Variants in GPR174 observed in about 807,000 individuals in gnomAD.
GPR174 encodes probable G protein-coupled receptor 174.
A neutral mutation model predicts 16.5 loss-of-function variants in GPR174; 8 were observed. The ratio of observed to expected loss-of-function variants is 0.48; its 90% CI spans 0.28 to 0.87. The LOEUF is 0.87. Ranked by LOEUF, GPR174 falls within the 40% of genes least tolerant of loss-of-function variation. GPR174 has a pLI of 0.09. For missense variants in GPR174, 214 were observed against 247.5 expected, an observed-to-expected ratio of 0.86 and a Z score of 0.91; for synonymous variants, 111 against 94.8, an observed-to-expected ratio of 1.17 and a Z score of -0.99.
Position 79,172,071 on chromosome X carries a change from C to T in GPR174, c.*62C>T, listed in dbSNP as rs999310625. ...GTACATCAGAACATATCTGCAATAC[C>T]CAAGCCACAGGGAAGAACTTGCAAA... On this transcript the variant is annotated 3_prime_UTR_variant, in exon 3 of 3. Coordinates refer to ENST00000645147, the MANE Select transcript of GPR174 (RefSeq NM_032553.3). The T allele has an allele frequency of 1.2e-5, 13 of 1,074,609 alleles. No individual in the cohort carries two copies. The highest frequency in any genetic ancestry group is 2.6e-4 in the Middle Eastern group (1 of 3,849). The allele number at this position is 1,074,609 out of a possible 1,213,427, so 88.6% of individuals were successfully genotyped here.
chrX:79,170,637 G>A lies in GPR174; in HGVS notation c.-371G>A, dbSNP rs528773904. The A allele has an allele frequency of 2.0e-4, 29 of 145,934 alleles. No homozygotes were observed. Among genetic ancestry groups the A allele is most frequent in the South Asian group, 1.8e-3 (8 of 4,398 alleles). The allele number at this position is 145,934 out of a possible 1,213,427, so 12.0% of individuals were successfully genotyped here. On this transcript the variant is annotated 5_prime_UTR_variant, in exon 3 of 3. Transcript: ENST00000645147. The stretch of plus-strand genomic sequence containing the variant: ...AGACACCTGTAAAGAGAAGGCTATC[G>A]TCATATAGGAATTTGAGGAACTGCT...
chrX:79,153,499 G>A (rs922033821), intron 1 of GPR174, among the ~76,000 whole-genome samples: 7 of 111,658 alleles, frequency 6.3e-5, no homozygotes, highest in African/African-American at 2.3e-4. Flanking sequence ...TCAATGTAAA[G>A]AGAATATCTG....
intron 2 of GPR174, among the ~76,000 whole-genome samples, chrX:79,168,943 G>T (rs1225375210): frequency 1.8e-5 from 2 of 110,999 alleles, no homozygotes; most frequent in African/African-American, 3.3e-5. Flanking sequence ...ACCTGGACAA[G>T]CAACCAGAGA....
At chrX:79,151,437 C>T (rs1035611810) in intron 1 of GPR174, among the ~76,000 whole-genome samples, 4 of 110,681 alleles carry the variant, frequency 3.6e-5, no homozygotes, top group Non-Finnish European at 7.6e-5. Context: ...TAAATATATA[C>T]CTGGGAAACC....
chrX:79,164,173 G>A (rs1357265992), intron 2 of GPR174, among the ~76,000 whole-genome samples: 1 of 111,174 alleles, frequency 9.0e-6, no homozygotes, highest in Non-Finnish European at 1.9e-5. Flanking sequence ...TGTGCCACAA[G>A]CCTTTAAGGT....
chrX:79,149,031 C>T (rs1470935269), intron 1 of GPR174, among the ~76,000 whole-genome samples: 1 of 111,660 alleles, frequency 9.0e-6, no homozygotes, highest in East Asian at 2.8e-4. Context: ...AGAAGATAGA[C>T]TGATTTATTA....
intron 2 of GPR174, among the ~76,000 whole-genome samples, chrX:79,161,270 A>G (rs1204297348): frequency 1.8e-5 from 2 of 111,952 alleles, no homozygotes; most frequent in African/African-American, 6.5e-5. Context: ...ACGTAGAGGT[A>G]AACATCATTA....
Position 79,156,295 on chromosome X carries a change from G to A in GPR174, c.-653-527G>A, listed in dbSNP as rs1921096366. Among the ~76,000 whole-genome samples, 3 of 112,041 alleles carry A rather than the reference G, an allele frequency of 2.7e-5. No individual in the cohort carries two copies. In the South Asian group the frequency reaches 1.1e-3, roughly 42 times the overall value. On this transcript the variant is annotated intron_variant, in intron 1 of 2. Coordinates refer to ENST00000645147, the MANE Select transcript of GPR174 (RefSeq NM_032553.3). ...AAGAAACTATCTACAAGCATTTTAA[G>A]GGTACATGTAAGGCAGCTTTGTGTA...
rs181145803 is a variant in GPR174, at chrX:79,156,838, C to A, written c.-637C>A. The stretch of plus-strand genomic sequence containing the variant: ...TTTTTCAAGGCATGAATGAATTAAT[C>A]GTGCCAGATTCTCCAACACTTCCTC... On this transcript the variant is annotated 5_prime_UTR_variant, in exon 2 of 3. Transcript: ENST00000645147. 2 of 112,153 alleles carry A rather than the reference C, an allele frequency of 1.8e-5. No individual in the cohort carries two copies. Among genetic ancestry groups the A allele is most frequent in the East Asian group, 5.6e-4 (2 of 3,587 alleles). The allele number at this position is 112,153 out of a possible 1,213,427, so 9.2% of individuals were successfully genotyped here.
chrX:79,147,390 A>C (rs1926520734), intron 1 of GPR174, among the ~76,000 whole-genome samples: 2 of 109,614 alleles, frequency 1.8e-5, no homozygotes, highest in Admixed American at 9.8e-5. Flanking sequence ...TCTCTCAATA[A>C]CAGGCACACT....
intron 2 of GPR174, among the ~76,000 whole-genome samples, chrX:79,164,822 G>A (rs1198949236): frequency 9.0e-6 from 1 of 111,171 alleles, no homozygotes; most frequent in African/African-American, 3.3e-5. Context: ...GCCACTAGGG[G>A]AGGCTTATTT....
intron 1 of GPR174, among the ~76,000 whole-genome samples, chrX:79,147,710 G>A (rs1204385484): frequency 9.0e-6 from 1 of 110,544 alleles, no homozygotes; most frequent in East Asian, 2.8e-4. Flanking sequence ...AGATTTTAGG[G>A]TATCTTGTCT....
intron 2 of GPR174, among the ~76,000 whole-genome samples, chrX:79,170,031 C>T (rs1388930702): frequency 8.9e-6 from 1 of 111,998 alleles, no homozygotes; most frequent in Non-Finnish European, 1.9e-5. Context: ...CACCCAGAAG[C>T]TTGTATTTTA....
At chrX:79,163,432 A>G (rs912927674) in intron 2 of GPR174, among the ~76,000 whole-genome samples, 2 of 111,948 alleles carry the variant, frequency 1.8e-5, no homozygotes, top group African/African-American at 6.5e-5. Context: ...ATGTCCTTTG[A>G]GTTAACCCAG....
intron 2 of GPR174, among the ~76,000 whole-genome samples, chrX:79,166,140 C>T (rs1188264207): frequency 8.9e-6 from 1 of 111,763 alleles, no homozygotes; most frequent in Non-Finnish European, 1.9e-5. Flanking sequence ...TGACTTGTCT[C>T]TTAAGAGTTG....
chrX:79,150,480 A>T (rs145209579), intron 1 of GPR174, among the ~76,000 whole-genome samples: 1,593 of 111,821 alleles, frequency 0.014, 16 homozygotes, highest in Non-Finnish European at 0.022. Context: ...TTTAAATTTA[A>T]TCTATTTAAC....
chrX:79,169,111 A>C (rs1028529425), intron 2 of GPR174, among the ~76,000 whole-genome samples: 3 of 112,000 alleles, frequency 2.7e-5, no homozygotes, highest in African/African-American at 9.7e-5. Context: ...AAAAATTAGC[A>C]TGCTGAATTC....
chrX:79,170,945 C>T lies in GPR174; in HGVS notation c.-63C>T. On this transcript the variant is annotated 5_prime_UTR_variant, in exon 3 of 3. Transcript: ENST00000645147. ...GCAATCAATCTTTTGGAAGGAACAG[C>T]AGTTGATTGTGAATTTAGTTTTGAA... is the stretch of plus-strand genomic sequence containing the variant. The T allele has an allele frequency of 2.1e-6, 2 of 971,268 alleles. No individual in the cohort carries two copies. The highest frequency in any genetic ancestry group is 4.6e-5 in the South Asian group (2 of 43,107). 80.0% of individuals were successfully genotyped at this position (971,268 alleles called of 1,213,427 possible). A position where few individuals can be genotyped will look rare whatever the true frequency, so the allele number is the denominator to read the frequency against.
chrX:79,164,021 GACA>G lies in GPR174; in HGVS notation c.-556-6427_-556-6425del, dbSNP rs199875114. ...ATATGATGCCATCTGAGAAAAATGT[GACA>G]ACAGTACTGATGAGGACCTACATTA... is the stretch of plus-strand genomic sequence containing the variant. On this transcript the variant is annotated intron_variant, in intron 2 of 2. Transcript: ENST00000645147. Among the ~76,000 whole-genome samples the G allele has an allele frequency of 4.5e-4, 50 of 111,583 alleles. 3 individuals are homozygous for G. In the East Asian group the frequency reaches 0.014, roughly 31 times the overall value.
Sources: allele counts gnomAD v4.1 joint callset (sites outside exome capture counted in the v4.1 genomes callset), GRCh38; gene constraint gnomAD v4.1.1; transcripts MANE v1.5; gene names NCBI Gene and HGNC (gene_info 2026-07-23, HGNC 2026-07-21).